Variants in CR1 observed in about 807,000 individuals in gnomAD.
The protein encoded by CR1 is complement receptor type 1.
A neutral mutation model predicts 187.3 loss-of-function variants in CR1; 116 were observed. The ratio of observed to expected loss-of-function variants is 0.62; its 90% CI spans 0.53 to 0.72. CR1 has a LOEUF of 0.72. Ranked by LOEUF, CR1 falls within the 30% of genes least tolerant of loss-of-function variation. The probability of loss-of-function intolerance (pLI) is 0.00; values close to 1 mark genes in which losing one functional copy is unlikely to be tolerated. For synonymous variants in CR1, 576 were observed against 747.1 expected (o/e 0.77, Z 3.73); for missense variants, 1,731 against 2,110.7 (o/e 0.82, Z 3.52).
Position 207,505,937 on chromosome 1 carries a change from C to T in CR1, c.155C>T (p.Ala52Val), listed in dbSNP as rs748734391. The change falls in exon 2 of 47, where the codon GCC (alanine) becomes GTC (valine). Residue 52 changes from alanine (A) to valine (V), a missense_variant. Around this residue, in one of 5 missense-constraint regions of CR1, gnomAD observed 237 missense variants for 240.4 expected, o/e 0.99. Transcript: ENST00000367049. ...QCNAPEWLPF[A>V]RPTNLTDEFE... ...AATGCCCCAGAATGGCTTCCATTTG[C>T]CAGGCCTACCAACCTAACTGATGAA... 6.2e-7 allele frequency: 1 copy of T among 1,613,824 alleles called. No individual in the cohort carries two copies. Among genetic ancestry groups the T allele is most frequent in the Non-Finnish European group, 8.5e-7 (1 of 1,179,802 alleles).
intron 4 of CR1, among the ~76,000 whole-genome samples, chr1:207,522,744 GA>G (rs1398842632): frequency 2.6e-5 from 4 of 152,056 alleles, no homozygotes; most frequent in African/African-American, 9.7e-5. Context: ...AGCAGAGCCT[GA>G]AAAATTTTTA....
At chr1:207,624,894 T>C (rs1412547469) in intron 45 of CR1, among the ~76,000 whole-genome samples, 1 of 152,178 alleles carries the variant, frequency 6.6e-6, no homozygotes, top group Non-Finnish European at 1.5e-5. Context: ...TATCAGTCTC[T>C]AGTTAAAACC....
At position 207,639,419 on chromosome 1, in the gene CR1, A is replaced by G. The variant is rs1662912870; in HGVS notation, c.*10A>G. 5 of 1,597,252 alleles carry G rather than the reference A, an allele frequency of 3.1e-6. No homozygotes were observed. The highest frequency in any genetic ancestry group is 1.7e-5 in the Admixed American group (1 of 57,934). On this transcript the variant is annotated 3_prime_UTR_variant, in exon 47 of 47. Transcript: ENST00000367049. ...CAGGGTCCTTCCTTGACAAAGTACT[A>G]TACAGCTGAAGAACATCTCGAATAC...
chr1:207,526,279 G>T (rs1246153363), intron 5 of CR1, among the ~76,000 whole-genome samples: 1 of 151,984 alleles, frequency 6.6e-6, no homozygotes, highest in Non-Finnish European at 1.5e-5. Flanking sequence ...TAGATGTATG[G>T]ACGCTCTTTG....
At position 207,524,027 on chromosome 1, in the gene CR1, C is replaced by G; in HGVS notation, c.886+18C>G. The G allele has an allele frequency of 6.2e-7, 1 of 1,611,728 alleles. No homozygotes were observed. Among genetic ancestry groups the G allele is most frequent in the Non-Finnish European group, 8.5e-7 (1 of 1,179,716 alleles). Reference sequence around the variant, plus strand: ...CTCCAGGGGTGAGTCTGACTGAGGCCTAGAAGGGCCCTGCCAGTGACATGC... The same window carrying G: ...CTCCAGGGGTGAGTCTGACTGAGGCGTAGAAGGGCCCTGCCAGTGACATGC... On this transcript the variant is annotated intron_variant, in intron 5 of 46. Transcript: ENST00000367049.
chr1:207,583,151 T>G (rs1048585542), intron 32 of CR1, among the ~76,000 whole-genome samples: 6 of 152,138 alleles, frequency 3.9e-5, no homozygotes, highest in African/African-American at 1.2e-4. Context: ...AAGGGGATTA[T>G]GATGAAGCAG....
rs189410669 is a variant in CR1, at chr1:207,591,099, A to C, written c.5810+2325A>C. On this transcript the variant is annotated intron_variant, in intron 35 of 46. Transcript: ENST00000367049. ...ACCTGAACTCAGCTCTGGACCAAGCAGACCTAATAGACATCTATAGAACTC... is the reference window on the plus strand; with the variant it reads ...ACCTGAACTCAGCTCTGGACCAAGCCGACCTAATAGACATCTATAGAACTC... 2.6e-4 allele frequency among the ~76,000 whole-genome samples: 40 copies of C among 152,264 alleles called. No homozygotes were observed. In the East Asian group the frequency reaches 3.5e-3, roughly 13 times the overall value.
At chr1:207,499,554 T>C (rs549827844) in intron 1 of CR1, among the ~76,000 whole-genome samples, 1 of 152,324 alleles carries the variant, frequency 6.6e-6, no homozygotes, top group Admixed American at 6.5e-5. Context: ...TTGACATATA[T>C]AGATGACTTC....
chr1:207,603,398 C>G (rs1229203745), intron 35 of CR1, among the ~76,000 whole-genome samples: 1 of 151,966 alleles, frequency 6.6e-6, no homozygotes, highest in African/African-American at 2.4e-5. Context: ...GACCTGATGT[C>G]CCACGTCTGT....
In CR1 at chr1:207,567,826, A is replaced by C. The variant is rs1571540579; in HGVS notation, c.3955A>C (p.Ile1319Leu). ...WNSSVPVCEQ[I>L]FCPSPPVIPN... ...TAGAGCTTTTGTATGTTTTCTAGAA[A>C]TCTTTTGTCCAAGTCCTCCAGTTAT... Residue 1319 changes from isoleucine (I) to leucine (L), a missense_variant and splice_region_variant, in exon 25 of 47, where the codon ATC becomes CTC. Transcript: ENST00000367049. 1.2e-6 allele frequency: 2 copies of C among 1,611,066 alleles called. No individual in the cohort carries two copies. Among genetic ancestry groups the C allele is most frequent in the East Asian group, 4.5e-5 (2 of 44,874 alleles).
chr1:207,616,128 A>T (rs986597561), intron 40 of CR1, among the ~76,000 whole-genome samples: 1 of 152,212 alleles, frequency 6.6e-6, no homozygotes, highest in African/African-American at 2.4e-5. Flanking sequence ...TGAATCACCA[A>T]GAAACATTTA....
In CR1 at chr1:207,617,507, A is replaced by ATGTGTGTGTGTGTG. The variant is rs1167357538; in HGVS notation, c.6890-546_6890-533dup. ...AGTATATATATATATATATATATAT[A>ATGTGTGTGTGTGTG]TGTGTGTGTGTGTGTGTGTGTGTGT... On this transcript the variant is annotated intron_variant, in intron 41 of 46. Coordinates refer to ENST00000367049, the MANE Select transcript of CR1 (RefSeq NM_000651.6). Among the ~76,000 whole-genome samples, 19 of 47,030 alleles carry ATGTGTGTGTGTGTG rather than the reference A, an allele frequency of 4.0e-4. 1 individual carries two copies. Among genetic ancestry groups the ATGTGTGTGTGTGTG allele is most frequent in the African/African-American group, 1.1e-3 (17 of 15,788 alleles). The allele number at this position is 47,030 out of a possible 152,430, so 30.9% of individuals were successfully genotyped here.
At chr1:207,590,578 T>C (rs993158980) in intron 35 of CR1, among the ~76,000 whole-genome samples, 4 of 152,182 alleles carry the variant, frequency 2.6e-5, no homozygotes, top group African/African-American at 9.6e-5. Flanking sequence ...CAAATCAGCA[T>C]CATAATGACA....
chr1:207,520,968 G>GTTTTTTTTTTTTTTTTTTTTTTTTTTTT lies in CR1; in HGVS notation c.488-2618_488-2617insTTTTTTTTTTTTTTTTTTTTTTTTTTTT, dbSNP rs141546660. Among the ~76,000 whole-genome samples the GTTTTTTTTTTTTTTTTTTTTTTTTTTTT allele has an allele frequency of 1.1e-4, 5 of 44,568 alleles. 1 individual carries two copies. The highest frequency in any genetic ancestry group is 7.6e-5 in the Non-Finnish European group (2 of 26,428). The allele number at this position is 44,568 out of a possible 152,430, so 29.2% of individuals were successfully genotyped here. On this transcript the variant is annotated intron_variant, in intron 4 of 46. Coordinates refer to ENST00000367049, the MANE Select transcript of CR1 (RefSeq NM_000651.6). ...TTTGCACATTTTTTTTTTTTTGGTT[G>GTTTTTTTTTTTTTTTTTTTTTTTTTTTT]TTTTTTTTTTTTTTTTTTTTTTTTT...
At chr1:207,518,140 A>G (rs542083981) in intron 4 of CR1, among the ~76,000 whole-genome samples, 2 of 152,212 alleles carry the variant, frequency 1.3e-5, no homozygotes, top group South Asian at 2.1e-4. Context: ...AACAATCTTT[A>G]TATTTTTATT....
chr1:207,605,771 A>C (rs987254832), intron 35 of CR1: 2 of 152,104 alleles, frequency 1.3e-5, no homozygotes, highest in East Asian at 3.8e-4. Context: ...AATTGCAGCA[A>C]TTTTTAAGAT....
chr1:207,568,072 G>A (rs747640660), intron 25 of CR1, 30 bp downstream of exon 25: 4 of 1,610,772 alleles, frequency 2.5e-6, no homozygotes, highest in African/African-American at 2.8e-5. Context: ...CATCCCTAAT[G>A]GGTTCAGAAT....
intron 31 of CR1, 54 bp from the exon 32 acceptor site, chr1:207,581,864 G>C (rs189023632): frequency 5.6e-6 from 7 of 1,246,606 alleles, no homozygotes; most frequent in Non-Finnish European, 7.1e-6. Context: ...GATCTGTCAC[G>C]AAGGGAAGAG....
intron 5 of CR1, among the ~76,000 whole-genome samples, chr1:207,524,642 C>G (rs180934746): frequency 6.6e-5 from 10 of 152,108 alleles, no homozygotes; most frequent in African/African-American, 1.4e-4. Flanking sequence ...CCCACCTTGG[C>G]CTCCCAAAGT....
Sources: allele counts gnomAD v4.1 joint callset (sites outside exome capture counted in the v4.1 genomes callset), GRCh38; gene constraint gnomAD v4.1.1; regional missense constraint gnomAD v4.1.1; transcripts MANE v1.5; gene names NCBI Gene and HGNC (gene_info 2026-07-23, HGNC 2026-07-21).